PSG11: variants seen among roughly 807,000 people sequenced by gnomAD.
The protein encoded by PSG11 is pregnancy specific beta-1-glycoprotein 11, also known as pregnancy-specific beta-1-glycoprotein 11.
In PSG11, 42 loss-of-function variants were observed where a neutral mutation model predicts 36.0. That is an observed-to-expected ratio of 1.17 (90% confidence interval 0.91 to 1.51). The LOEUF (loss-of-function observed/expected upper bound fraction) is 1.51. PSG11 is among the 40% of genes most tolerant of loss of function. The pLI is 0.00. For missense variants in PSG11, 558 were observed against 403.5 expected (o/e 1.38, Z -3.28); for synonymous variants, 206 against 153.5 (o/e 1.34, Z -2.53).
intron 2 of PSG11, among the ~76,000 whole-genome samples, chr19:43,022,419 A>T (rs552303855): frequency 6.6e-6 from 1 of 151,270 alleles, no homozygotes; most frequent in South Asian, 2.1e-4. Flanking sequence ...GCATGATTCC[A>T]TCACCAACAA....
intron 1 of PSG11, among the ~76,000 whole-genome samples, chr19:43,025,652 G>C (rs1178522779): frequency 2.6e-5 from 3 of 115,376 alleles, no homozygotes; most frequent in African/African-American, 1.2e-4. Flanking sequence ...CCACGCCCTG[G>C]GTGTTTTTTT....
At chr19:43,015,719 C>G (rs549581937) in intron 3 of PSG11, 8 of 1,601,180 alleles carry the variant, frequency 5.0e-6, no homozygotes, top group South Asian at 1.1e-5. Flanking sequence ...GGCCCCTGGT[C>G]GTTTGGATTT....
At chr19:43,015,790 T>G (rs1966949335) in intron 3 of PSG11, 8 of 1,610,306 alleles carry the variant, frequency 5.0e-6, no homozygotes, top group African/African-American at 1.3e-5. Flanking sequence ...GGTGACTGAG[T>G]CACTGCGGAT....
intron 2 of PSG11, 190 bp from the exon 3 acceptor site, chr19:43,019,238 T>C (rs1375716425): frequency 7.9e-7 from 1 of 1,263,538 alleles, no homozygotes; most frequent in African/African-American, 1.5e-5. Context: ...CTGCCTGCTT[T>C]ATGTGGGAGA....
chr19:43,017,764 G>T (rs1283734782), intron 3 of PSG11, among the ~76,000 whole-genome samples: 1 of 151,358 alleles, frequency 6.6e-6, no homozygotes, highest in Non-Finnish European at 1.5e-5. Flanking sequence ...TCCATATAAT[G>T]ATATTGTCTT....
chr19:43,010,318 A>G lies in PSG11; in HGVS notation c.965-277T>C, dbSNP rs756330603. 91 of 1,505,656 alleles carry G rather than the reference A, an allele frequency of 6.0e-5. 3 individuals are homozygous for G. The highest frequency in any genetic ancestry group is 7.7e-5 in the Non-Finnish European group (87 of 1,131,392). The allele number at this position is 1,505,656 out of a possible 1,614,324, so 93.3% of individuals were successfully genotyped here. ...TGAGAAAGGCTGATTGCTATTTTCT[A>G]TGTCATTGGAACTTGTCACCTTTGC... On this transcript the variant is annotated intron_variant, in intron 4 of 5. Transcript: ENST00000320078.
At chr19:43,021,648 C>A (rs1455536591) in intron 2 of PSG11, among the ~76,000 whole-genome samples, 13 of 151,498 alleles carry the variant, frequency 8.6e-5, no homozygotes, top group Non-Finnish European at 1.8e-4. Flanking sequence ...GCCCAGCCAT[C>A]TCAAAGGGAT....
At chr19:43,022,848 G>C (rs1210868842) in intron 2 of PSG11, among the ~76,000 whole-genome samples, 1 of 150,726 alleles carries the variant, frequency 6.6e-6, no homozygotes, top group Non-Finnish European at 1.5e-5. Context: ...TTTCCTGGGA[G>C]GTGGGCCAGG....
intron 1 of PSG11, 165 bp from the exon 2 acceptor site, chr19:43,025,221 T>C: frequency 8.0e-7 from 1 of 1,248,830 alleles, no homozygotes; most frequent in Non-Finnish European, 1.1e-6. Context: ...GGCATGTGTG[T>C]TTGTGTATGT....
chr19:43,025,013 G>A lies in PSG11; in HGVS notation c.108C>T (p.Val36=). 6.2e-7 allele frequency: 1 copy of A among 1,611,072 alleles called. No homozygotes were observed. The highest frequency in any genetic ancestry group is 8.5e-7 in the Non-Finnish European group (1 of 1,178,434). ...CTTTGGGTGGCTGGGCTTCAATCAT[G>A]ACTTGGGCAGTGGTAGGCAAGTTCC... is the stretch of plus-strand genomic sequence containing the variant. The part of the protein sequence containing the change: ...NFWNLPTTAQ[V]MIEAQPPKVS... The change falls in exon 2 of 6, where the codon GTC becomes GTT. Residue 36 remains valine, a synonymous_variant. Coordinates refer to ENST00000320078, the MANE Select transcript of PSG11 (RefSeq NM_002785.3).
intron 2 of PSG11, 98 bp from the exon 3 acceptor site, chr19:43,019,146 AC>A (rs1168057643): frequency 2.6e-6 from 4 of 1,539,716 alleles, no homozygotes; most frequent in Non-Finnish European, 3.5e-6. Context: ...CTCTCAGCCC[AC>A]CCGAGTCCCT....
At chr19:43,010,726 T>A (rs1305398958) in intron 4 of PSG11, 1 of 165,230 alleles carries the variant, frequency 6.1e-6, no homozygotes, top group Non-Finnish European at 1.3e-5. Context: ...CTCACAGGTG[T>A]CTTCCGTGAT....
chr19:43,008,617 G>A (rs765905597), intron 5 of PSG11, among the ~76,000 whole-genome samples: 1 of 151,116 alleles, frequency 6.6e-6, no homozygotes, highest in African/African-American at 2.4e-5. Context: ...ATATTATTTA[G>A]AGAAGGTTTA....
At chr19:43,016,170 G>C in intron 3 of PSG11, 1 of 1,396,538 alleles carries the variant, frequency 7.2e-7, no homozygotes, top group Non-Finnish European at 9.7e-7. Flanking sequence ...CCAATAGCTG[G>C]TGCGTGTGTC....
At chr19:43,024,600 A>G in intron 2 of PSG11, 91 bp downstream of exon 2, 1 of 1,598,796 alleles carries the variant, frequency 6.3e-7, no homozygotes, top group East Asian at 2.2e-5. Flanking sequence ...AGAGAGGGAC[A>G]CAGGCAATGT....
At chr19:43,015,712 C>A (rs182778658) in intron 3 of PSG11, 26 of 1,598,766 alleles carry the variant, frequency 1.6e-5, no homozygotes, top group Admixed American at 5.1e-5. Context: ...GAGGCCTGGC[C>A]CCTGGTCGTT....
chr19:43,018,809 T>A lies in PSG11; in HGVS notation c.670A>T (p.Ser224Cys). ...PYECEIWNSG[S>C]ASRSDPVTLN... is the part of the protein sequence containing the mutation. Reference sequence around the variant, plus strand: ...GTGACTGGGTCACTGCGGCTGGCACTCCCTGAGTTCCATATTTCACATTCA... The same window carrying A: ...GTGACTGGGTCACTGCGGCTGGCACACCCTGAGTTCCATATTTCACATTCA... Residue 224 changes from serine to cysteine, a missense_variant, in exon 3 of 6, where the codon AGT (serine) becomes TGT (cysteine). Coordinates refer to ENST00000320078, the MANE Select transcript of PSG11 (RefSeq NM_002785.3). 6.2e-7 allele frequency: 1 copy of A among 1,612,054 alleles called. No homozygotes were observed.
Position 43,018,782 on chromosome 19 carries a change from G to C in PSG11, c.697C>G (p.Leu233Val). ...GSASRSDPVT[L>V]NLLHGPDLPR... ...AGAAGATACTCACGGAGGAGATTCA[G>C]GGTGACTGGGTCACTGCGGCTGGCA... The change falls in exon 3 of 6, where the codon CTG (leucine) becomes GTG (valine). Residue 233 changes from leucine (L) to valine (V), a missense_variant. Transcript: ENST00000320078. 1.9e-6 allele frequency: 3 copies of C among 1,612,130 alleles called. No individual in the cohort carries two copies. The highest frequency in any genetic ancestry group is 2.5e-6 in the Non-Finnish European group (3 of 1,179,060).
chr19:43,025,125 G>A (rs1967208637), intron 1 of PSG11, 69 bp from the exon 2 acceptor site: 2 of 1,546,164 alleles, frequency 1.3e-6, no homozygotes, highest in Non-Finnish European at 1.7e-6. Context: ...GGGGCCCTGA[G>A]TCCTGAGAAG....
Sources: allele counts gnomAD v4.1 joint callset (sites outside exome capture counted in the v4.1 genomes callset), GRCh38; gene constraint gnomAD v4.1.1; transcripts MANE v1.5; gene names NCBI Gene and HGNC (gene_info 2026-07-23, HGNC 2026-07-21).